Variants in ANKRD45 observed in about 807,000 individuals in gnomAD.
ANKRD45 encodes ankyrin repeat domain-containing protein 45.
A neutral mutation model predicts 28.1 loss-of-function variants in ANKRD45; 21 were observed. That is an observed-to-expected ratio of 0.75 (90% CI 0.53 to 1.08). The LOEUF (loss-of-function observed/expected upper bound fraction) is 1.08. ANKRD45 is among the 50% of genes least tolerant of loss of function. The pLI, the probability that ANKRD45 is intolerant of heterozygous loss-of-function variation, is 0.00. For synonymous variants in ANKRD45, 86 were observed against 103.9 expected (o/e 0.83, Z 1.05); for missense variants, 261 against 308.7 (o/e 0.85, Z 1.16).
intron 3 of ANKRD45, among the ~76,000 whole-genome samples, chr1:173,632,852 AAC>A (rs1318810822): frequency 6.6e-6 from 1 of 152,106 alleles, no homozygotes; most frequent in Non-Finnish European, 1.5e-5. Context: ...AACATACATC[AAC>A]ACAATCAAAG....
chr1:173,671,665 C>T (rs1484524244), upstream of ANKRD45, among the ~76,000 whole-genome samples: 4 of 151,068 alleles, frequency 2.6e-5, no homozygotes, highest in African/African-American at 9.8e-5. Context: ...AGTCAGGAGA[C>T]CAAGACCATC....
the ANKRD45 span, among the ~76,000 whole-genome samples, chr1:173,688,139 C>T: frequency 6.6e-6 from 1 of 152,114 alleles, no homozygotes; most frequent in Admixed American, 6.6e-5. Flanking sequence ...GTCCTCAGTG[C>T]TTTCGGGCTA....
At chr1:173,626,627 G>A (rs1441089111) in intron 4 of ANKRD45, among the ~76,000 whole-genome samples, 2 of 135,702 alleles carry the variant, frequency 1.5e-5, no homozygotes, top group Non-Finnish European at 3.2e-5. Flanking sequence ...CCCACCCCCC[G>A]ACTGCCTTCA....
intron 2 of ANKRD45, among the ~76,000 whole-genome samples, chr1:173,654,189 T>G (rs574919344): frequency 1.1e-3 from 174 of 152,310 alleles, no homozygotes; most frequent in African/African-American, 4.0e-3. Context: ...TTCTTCCTAG[T>G]ATCAATGATC....
At chr1:173,634,158 A>T (rs1202235656) in intron 3 of ANKRD45, among the ~76,000 whole-genome samples, 3 of 152,006 alleles carry the variant, frequency 2.0e-5, no homozygotes, top group African/African-American at 7.2e-5. Context: ...CTATTTTTTT[A>T]AATGGGCAAA....
chr1:173,684,212 T>C, the ANKRD45 span, among the ~76,000 whole-genome samples: 1 of 152,076 alleles, frequency 6.6e-6, no homozygotes, highest in Non-Finnish European at 1.5e-5. Context: ...GGTTGCTTTA[T>C]GAGGAAGTTA....
upstream of ANKRD45, among the ~76,000 whole-genome samples, chr1:173,672,730 T>C (rs1006190052): frequency 2.6e-5 from 4 of 152,120 alleles, no homozygotes; most frequent in African/African-American, 9.7e-5. Flanking sequence ...AGACAGGAGA[T>C]TCATGGCAAG....
chr1:173,627,278 A>C, intron 3 of ANKRD45, 119 bp from the exon 4 acceptor site: 1 of 671,884 alleles, frequency 1.5e-6, no homozygotes, highest in East Asian at 2.6e-5. Context: ...TTGAAAAACT[A>C]TCCATACAAA....
intron 5 of ANKRD45, among the ~76,000 whole-genome samples, chr1:173,617,331 T>C (rs1667505022): frequency 6.6e-6 from 1 of 152,188 alleles, no homozygotes; most frequent in Admixed American, 6.5e-5. Flanking sequence ...TTGGAATTCC[T>C]GCCAGACAGC....
chr1:173,624,653 A>C (rs1402378571), intron 5 of ANKRD45, 134 bp downstream of exon 5: 1 of 882,378 alleles, frequency 1.1e-6, no homozygotes, highest in Non-Finnish European at 1.7e-6. Flanking sequence ...GAACTATATC[A>C]TAGATTAGTG....
At chr1:173,690,854 T>C in the ANKRD45 span, among the ~76,000 whole-genome samples, 1 of 152,152 alleles carries the variant, frequency 6.6e-6, no homozygotes, top group Non-Finnish European at 1.5e-5. Flanking sequence ...CTACTGGAAA[T>C]TTCTCACCTT....
Position 173,627,094 on chromosome 1 carries a change from C to T in ANKRD45, c.562G>A (p.Gly188Arg), listed in dbSNP as rs1667972228. ...VSLAVTDTEK[G>R]SGKLLKEDKN... ...TCTTCCTTAAGGAGTTTCCCTGATC[C>T]CTTTTCTGTGTCAGTAACAGCTAAA... Residue 188 changes from glycine to arginine, a missense_variant, in exon 4 of 6, where the codon GGA becomes AGA. Transcript: ENST00000333279. 1.2e-6 allele frequency: 2 copies of T among 1,612,350 alleles called. No individual in the cohort carries two copies. Among genetic ancestry groups the T allele is most frequent in the East Asian group, 2.2e-5 (1 of 44,866 alleles).
chr1:173,614,130 G>A (rs1407034767), intron 5 of ANKRD45, among the ~76,000 whole-genome samples: 3 of 152,140 alleles, frequency 2.0e-5, no homozygotes, highest in Non-Finnish European at 4.4e-5. Context: ...CACAAACACT[G>A]TGGAAGGCTG....
chr1:173,694,926 A>G, the ANKRD45 span, among the ~76,000 whole-genome samples: 4 of 152,206 alleles, frequency 2.6e-5, no homozygotes, highest in African/African-American at 7.2e-5. Context: ...ACAGAAAACA[A>G]CAGATTCTAA....
chr1:173,616,589 A>AT (rs1036631637), intron 5 of ANKRD45, among the ~76,000 whole-genome samples: 3 of 152,218 alleles, frequency 2.0e-5, no homozygotes, highest in Non-Finnish European at 2.9e-5. Flanking sequence ...TAAAGCTATT[A>AT]TTTTAAAAAA....
chr1:173,708,748 T>C, the ANKRD45 span, among the ~76,000 whole-genome samples: 11 of 152,344 alleles, frequency 7.2e-5, no homozygotes, highest in Non-Finnish European at 1.5e-4. Context: ...GTTTTCCCCA[T>C]ATAGGTTTCA....
intron 3 of ANKRD45, among the ~76,000 whole-genome samples, chr1:173,643,641 C>T (rs1195060264): frequency 6.6e-6 from 1 of 151,658 alleles, no homozygotes; most frequent in East Asian, 1.9e-4. Context: ...CTTTTGTTGA[C>T]AAGACAATTC....
chr1:173,627,839 CA>C (rs920150505), intron 3 of ANKRD45, among the ~76,000 whole-genome samples: 1 of 151,832 alleles, frequency 6.6e-6, no homozygotes, highest in African/African-American at 2.4e-5. Context: ...TCCCAGGCAA[CA>C]CAGCTTACAG....
chr1:173,681,691 T>C, the ANKRD45 span, among the ~76,000 whole-genome samples: 5 of 151,978 alleles, frequency 3.3e-5, no homozygotes, highest in African/African-American at 7.3e-5. Flanking sequence ...AAGGTGAAAA[T>C]CAAATAGAAA....
Sources: gnomAD v4.1 joint callset for allele counts (sites outside exome capture counted in the v4.1 genomes callset) on GRCh38, gnomAD v4.1.1 for gene constraint, MANE v1.5 for transcripts, NCBI Gene and HGNC (gene_info 2026-07-23, HGNC 2026-07-21) for gene names.